Variants in LOC128092252 observed in about 807,000 individuals in gnomAD.
At chr15:50,653,123 C>T in the LOC128092252 span, among the ~76,000 whole-genome samples, 3 of 152,038 alleles carry the variant, frequency 2.0e-5, no homozygotes, top group Non-Finnish European at 4.4e-5. Flanking sequence ...CAGTCTGGGC[C>T]ACAGAGTGAG....
chr15:50,659,435 C>T, the LOC128092252 span, among the ~76,000 whole-genome samples: 8 of 152,028 alleles, frequency 5.3e-5, no homozygotes, highest in Admixed American at 3.3e-4. Context: ...GCATTTGGTA[C>T]CTTTTAAGTT....
At chr15:50,651,925 T>A in the LOC128092252 span, among the ~76,000 whole-genome samples, 2 of 151,612 alleles carry the variant, frequency 1.3e-5, no homozygotes, top group South Asian at 2.1e-4. Flanking sequence ...AATAATAATT[T>A]TCTAAATAAA....
the LOC128092252 span, among the ~76,000 whole-genome samples, chr15:50,666,206 C>T: frequency 0.023 from 3,441 of 151,952 alleles, 121 homozygotes; most frequent in African/African-American, 0.078. Context: ...GAACAAGAAG[C>T]CAGGCAGATC....
At chr15:50,665,235 TA>T in the LOC128092252 span, among the ~76,000 whole-genome samples, 7 of 151,754 alleles carry the variant, frequency 4.6e-5, no homozygotes, top group Non-Finnish European at 4.4e-5. Context: ...CCGTCTCTAC[TA>T]AAAGTACAAA....
the LOC128092252 span, among the ~76,000 whole-genome samples, chr15:50,669,333 G>A: frequency 6.6e-6 from 1 of 152,046 alleles, no homozygotes; most frequent in Admixed American, 6.6e-5. Flanking sequence ...TACACAGGAA[G>A]CTGAAGCAGC....
At chr15:50,675,185 A>G in the LOC128092252 span, among the ~76,000 whole-genome samples, 2 of 152,248 alleles carry the variant, frequency 1.3e-5, no homozygotes, top group East Asian at 3.9e-4. Flanking sequence ...TCTACTAAAA[A>G]TATAAAAATT....
At chr15:50,677,606 T>A in the LOC128092252 span, among the ~76,000 whole-genome samples, 1 of 151,142 alleles carries the variant, frequency 6.6e-6, no homozygotes, top group East Asian at 2.0e-4. Flanking sequence ...GGGTGTGGTG[T>A]CACGCGCCTG....
At chr15:50,679,781 C>T in the LOC128092252 span, among the ~76,000 whole-genome samples, 3 of 151,554 alleles carry the variant, frequency 2.0e-5, no homozygotes, top group African/African-American at 7.3e-5. Context: ...GCAATCCTCC[C>T]GCCTCAGCCT....
chr15:50,678,456 C>T, the LOC128092252 span, among the ~76,000 whole-genome samples: 1 of 148,544 alleles, frequency 6.7e-6, no homozygotes, highest in African/African-American at 2.5e-5. Context: ...GAGTTCAATA[C>T]ATTTGACTTT....
At chr15:50,665,607 AAT>A in the LOC128092252 span, among the ~76,000 whole-genome samples, 1 of 152,116 alleles carries the variant, frequency 6.6e-6, no homozygotes, top group Non-Finnish European at 1.5e-5. Context: ...AGAAGTGAAT[AAT>A]AGTGAAAATT....
At chr15:50,668,514 T>A in the LOC128092252 span, among the ~76,000 whole-genome samples, 1 of 152,162 alleles carries the variant, frequency 6.6e-6, no homozygotes, top group Non-Finnish European at 1.5e-5. Flanking sequence ...GTTTTTGTTT[T>A]TTGTTTTTTG....
chr15:50,680,964 T>C, the LOC128092252 span, among the ~76,000 whole-genome samples: 1,341 of 152,180 alleles, frequency 8.8e-3, 20 homozygotes, highest in African/African-American at 0.031. Context: ...GATTAATATA[T>C]GTAAAGTGTC....
the LOC128092252 span, among the ~76,000 whole-genome samples, chr15:50,677,596 G>A: frequency 1.3e-5 from 2 of 151,718 alleles, no homozygotes; most frequent in African/African-American, 4.8e-5. Context: ...AAAATTAGCC[G>A]GGTGTGGTGT....
At chr15:50,678,904 C>T in the LOC128092252 span, among the ~76,000 whole-genome samples, 1 of 152,110 alleles carries the variant, frequency 6.6e-6, no homozygotes. Flanking sequence ...GACGAAGTCT[C>T]GCTCTGTCAC....
the LOC128092252 span, among the ~76,000 whole-genome samples, chr15:50,662,797 G>C: frequency 6.6e-6 from 1 of 152,156 alleles, no homozygotes; most frequent in Admixed American, 6.5e-5. Context: ...TGATTTCAGT[G>C]CTGTTTCCTC....
chr15:50,654,544 A>G, the LOC128092252 span, among the ~76,000 whole-genome samples: 2 of 151,452 alleles, frequency 1.3e-5, no homozygotes, highest in African/African-American at 4.8e-5. Context: ...GAATCAGTAG[A>G]CAAAGACTCT....
the LOC128092252 span, among the ~76,000 whole-genome samples, chr15:50,685,237 C>T: frequency 6.6e-6 from 1 of 152,128 alleles, no homozygotes; most frequent in Non-Finnish European, 1.5e-5. Flanking sequence ...CTGAGGCGGG[C>T]GGATCACCTG....
At chr15:50,666,574 C>A in the LOC128092252 span, among the ~76,000 whole-genome samples, 1 of 151,968 alleles carries the variant, frequency 6.6e-6, no homozygotes, top group Non-Finnish European at 1.5e-5. Context: ...GAGGCTGAGG[C>A]GGGCAGATCA....
the LOC128092252 span, among the ~76,000 whole-genome samples, chr15:50,670,287 TA>T: frequency 6.6e-6 from 1 of 152,086 alleles, no homozygotes; most frequent in Non-Finnish European, 1.5e-5. Context: ...CCATCTTGAA[TA>T]GGGGCTGAGT....
Sources: allele counts gnomAD v4.1 joint callset (sites outside exome capture counted in the v4.1 genomes callset), GRCh38; gene constraint gnomAD v4.1.1; transcripts MANE v1.5.